Variants in SPAG9 observed in about 807,000 individuals in gnomAD.
The protein encoded by SPAG9 is sperm associated antigen 9.
A neutral mutation model predicts 166.5 loss-of-function variants in SPAG9; 35 were observed. The ratio of observed to expected loss-of-function variants is 0.21; its 90% CI spans 0.16 to 0.28. The LOEUF (loss-of-function observed/expected upper bound fraction) is 0.28, where lower values mean the gene tolerates loss of function less well. SPAG9 is among the 10% of genes least tolerant of loss of function. SPAG9 has a pLI of 1.00. For missense variants in SPAG9, 1,235 were observed against 1,603.3 expected (o/e 0.77, Z 3.92); for synonymous variants, 534 against 565.5 (o/e 0.94, Z 0.79).
intron 1 of SPAG9, among the ~76,000 whole-genome samples, chr17:51,090,211 G>A (rs1035450337): frequency 3.9e-5 from 6 of 151,998 alleles, no homozygotes; most frequent in African/African-American, 1.2e-4. Context: ...TTCACAAAGC[G>A]AGTAAAAAAG....
At chr17:51,039,468 G>C (rs941000243) in intron 5 of SPAG9, among the ~76,000 whole-genome samples, 4 of 152,100 alleles carry the variant, frequency 2.6e-5, no homozygotes, top group African/African-American at 9.7e-5. Flanking sequence ...TTGCCATTTT[G>C]TAAGCACCAC....
chr17:51,090,780 C>A (rs2048443821), intron 1 of SPAG9, among the ~76,000 whole-genome samples: 1 of 152,098 alleles, frequency 6.6e-6, no homozygotes, highest in Non-Finnish European at 1.5e-5. Context: ...CTAGGTAATA[C>A]CAACATAGGA....
chr17:50,989,608 G>T (rs1975367646), intron 21 of SPAG9, 69 bp downstream of exon 21: 2 of 1,202,294 alleles, frequency 1.7e-6, no homozygotes, highest in Non-Finnish European at 2.4e-6. Context: ...TTGACTGTTT[G>T]AGATTATTTT....
chr17:51,107,109 A>G (rs1049887866), intron 1 of SPAG9, among the ~76,000 whole-genome samples: 5 of 152,000 alleles, frequency 3.3e-5, no homozygotes, highest in Non-Finnish European at 5.9e-5. Context: ...TCAAAAAAAA[A>G]AAAAAAAGAA....
In SPAG9 at chr17:50,990,451, T is replaced by G; in HGVS notation, c.2616A>C (p.Pro872=). ...GGCAGGTAAAGAGAATGGATATACC[T>G]GGTGGTTTATCCATCACTGGAGAAG... ...NGASPVMDKP[P]EMEAENSEVD... The change falls in exon 20 of 30, where the codon CCA becomes CCC. Residue 872 remains proline (P), a splice_region_variant and synonymous_variant. Coordinates refer to ENST00000262013, the MANE Select transcript of SPAG9 (RefSeq NM_001130528.3). 2 of 1,602,280 alleles carry G rather than the reference T, an allele frequency of 1.2e-6. No individual in the cohort carries two copies. The highest frequency in any genetic ancestry group is 2.2e-5 in the South Asian group (2 of 90,840).
At chr17:51,061,608 T>A (rs1011565608) in intron 2 of SPAG9, among the ~76,000 whole-genome samples, 1 of 61,334 alleles carries the variant, frequency 1.6e-5, no homozygotes, top group African/African-American at 8.6e-5. Context: ...GAAAGCTCTG[T>A]CTCCAAAAAA....
chr17:51,111,557 T>C (rs1021754031), intron 1 of SPAG9, among the ~76,000 whole-genome samples: 2 of 152,162 alleles, frequency 1.3e-5, no homozygotes, highest in Non-Finnish European at 2.9e-5. Flanking sequence ...TCTGAACCAG[T>C]TTGGTACTAT....
At chr17:51,107,451 A>C (rs537442110) in intron 1 of SPAG9, among the ~76,000 whole-genome samples, 1 of 151,932 alleles carries the variant, frequency 6.6e-6, no homozygotes. Context: ...TTTAAAGGGC[A>C]ATAATAGTCA....
At chr17:51,088,624 G>A (rs543601769) in intron 1 of SPAG9, among the ~76,000 whole-genome samples, 31 of 152,196 alleles carry the variant, frequency 2.0e-4, no homozygotes, top group African/African-American at 7.5e-4. Context: ...GTGAAACCTC[G>A]TCTCTACTAA....
At chr17:50,975,249 CTTAG>C (rs1196368611) in intron 27 of SPAG9, 2 of 280,538 alleles carry the variant, frequency 7.1e-6, no homozygotes, top group Admixed American at 1.1e-4. Context: ...AAATTTGAAT[CTTAG>C]TTGTTTCTTG....
At chr17:51,011,232 C>T (rs1307207080) in intron 9 of SPAG9, among the ~76,000 whole-genome samples, 1 of 150,130 alleles carries the variant, frequency 6.7e-6, no homozygotes, top group Admixed American at 6.7e-5. Flanking sequence ...AGGCTATAGG[C>T]AAGAGGATTC....
At chr17:51,106,461 C>T (rs553414119) in intron 1 of SPAG9, among the ~76,000 whole-genome samples, 4 of 152,204 alleles carry the variant, frequency 2.6e-5, no homozygotes, top group African/African-American at 9.6e-5. Flanking sequence ...GGCTACCTTC[C>T]TTGTCTGTTT....
At chr17:51,022,908 T>C (rs2045997217) in intron 6 of SPAG9, among the ~76,000 whole-genome samples, 1 of 148,496 alleles carries the variant, frequency 6.7e-6, no homozygotes, top group South Asian at 2.1e-4. Flanking sequence ...TGAGATCGCA[T>C]CCAGTCTGGG....
At chr17:51,052,278 A>G (rs577884307) in intron 3 of SPAG9, among the ~76,000 whole-genome samples, 1 of 152,158 alleles carries the variant, frequency 6.6e-6, no homozygotes, top group Non-Finnish European at 1.5e-5. Flanking sequence ...AAGGGCGCCT[A>G]GTTCTTTGGC....
intron 29 of SPAG9, among the ~76,000 whole-genome samples, chr17:50,968,283 C>T (rs1973512001): frequency 1.3e-5 from 2 of 152,116 alleles, no homozygotes; most frequent in Admixed American, 1.3e-4. Flanking sequence ...ATTTAAATGA[C>T]CCTAATTTTT....
rs1974164748 is a variant in SPAG9, at chr17:50,975,782, G to A, written c.3524-835C>T. ...GATAACATTTAGGAACATTCAAGAG[G>A]GTATTCTAGAGGAGTGGTAACAGCC... On this transcript the variant is annotated intron_variant, in intron 27 of 29. Coordinates refer to ENST00000262013, the MANE Select transcript of SPAG9 (RefSeq NM_001130528.3). The A allele has an allele frequency of 5.0e-6, 5 of 1,005,452 alleles. No individual in the cohort carries two copies. The East Asian group carries it at 1.0e-4, about 21-fold the overall frequency. The allele number at this position is 1,005,452 out of a possible 1,614,324, so 62.3% of individuals were successfully genotyped here. A position where few individuals can be genotyped will look rare whatever the true frequency, so the allele number is the denominator to read the frequency against.
intron 1 of SPAG9, among the ~76,000 whole-genome samples, chr17:51,104,804 G>A (rs944083057): frequency 4.6e-5 from 7 of 151,302 alleles, no homozygotes; most frequent in Admixed American, 2.6e-4. Context: ...GTGGTAGCGG[G>A]CGCCTGTAGT....
intron 1 of SPAG9, among the ~76,000 whole-genome samples, chr17:51,087,170 G>GT (rs2048327430): frequency 6.6e-6 from 1 of 152,152 alleles, no homozygotes; most frequent in African/African-American, 2.4e-5. Flanking sequence ...TTGGGCCACT[G>GT]TTTTGAGAAA....
intron 5 of SPAG9, among the ~76,000 whole-genome samples, chr17:51,033,075 T>C (rs903496390): frequency 2.0e-5 from 3 of 151,558 alleles, no homozygotes; most frequent in African/African-American, 4.8e-5. Flanking sequence ...ATACAGCATA[T>C]AGTTAAGGTG....
Sources: allele counts gnomAD v4.1 joint callset (sites outside exome capture counted in the v4.1 genomes callset), GRCh38; gene constraint gnomAD v4.1.1; transcripts MANE v1.5; gene names NCBI Gene and HGNC (gene_info 2026-07-23, HGNC 2026-07-21).